The following MXRA7 variants were observed in gnomAD, a reference collection of about 807,000 sequenced individuals.
MXRA7 encodes the protein matrix remodeling associated 7.
MXRA7 carries 18 observed loss-of-function variants against 17.4 expected under a neutral mutation model. The ratio of observed to expected loss-of-function variants is 1.03; its 90% CI spans 0.71 to 1.53. MXRA7 has a LOEUF of 1.53. Ranked by LOEUF, MXRA7 falls within the 40% of genes most tolerant of loss-of-function variation. MXRA7 has a pLI of 0.00. For synonymous variants in MXRA7, 70 were observed against 101.7 expected (o/e 0.69, Z 1.87); for missense variants, 141 against 209.3 (o/e 0.67, Z 2.01).
In MXRA7 at chr17:76,681,134, G is replaced by C. The variant is rs1367580756; in HGVS notation, c.501-255C>G. Among the ~76,000 whole-genome samples the C allele has an allele frequency of 6.6e-6, 1 of 152,180 alleles. No individual in the cohort carries two copies. Among genetic ancestry groups the C allele is most frequent in the Admixed American group, 6.5e-5 (1 of 15,290 alleles). ...CAGAACCTGGCAGCCCACAGACCCT[G>C]TTCAGCCTCTGCAGGGTACTTAAGG... On this transcript the variant is annotated intron_variant, in intron 3 of 3. Coordinates refer to ENST00000449428, the MANE Select transcript of MXRA7 (RefSeq NM_198530.4). The surrounding 1 kb of genome is among the most constrained non-coding windows in gnomAD (Gnocchi z 4.7).
chr17:76,702,890 T>TATATATATACGTATATATATATA (rs1251035840), intron 1 of MXRA7, among the ~76,000 whole-genome samples: 1 of 149,580 alleles, frequency 6.7e-6, no homozygotes, highest in African/African-American at 2.5e-5. Context: ...TATATATATA[T>TATATATATACGTATATATATATA]CTTGAGGAGG....
At chr17:76,697,687 A>C (rs1211375060) in intron 1 of MXRA7, among the ~76,000 whole-genome samples, 1 of 152,172 alleles carries the variant, frequency 6.6e-6, no homozygotes, top group African/African-American at 2.4e-5. Context: ...GGCAAACGGG[A>C]CGTGCCTCCT....
At chr17:76,677,687 C>A (rs2076252143), downstream of MXRA7, 3 of 1,613,762 alleles carry the variant, frequency 1.9e-6, no homozygotes, top group Non-Finnish European at 2.5e-6. Context: ...TGGCAGCCAG[C>A]TGTTCCTTCT....
At chr17:76,677,602 G>A, downstream of MXRA7, 1 of 1,611,170 alleles carries the variant, frequency 6.2e-7, no homozygotes, top group Non-Finnish European at 8.5e-7. Flanking sequence ...ATGTCGTAGA[G>A]CCGGAGCTGC....
chr17:76,702,330 A>C (rs987306864), intron 1 of MXRA7, among the ~76,000 whole-genome samples: 1 of 152,136 alleles, frequency 6.6e-6, no homozygotes, highest in Non-Finnish European at 1.5e-5. Flanking sequence ...CAACATAGCA[A>C]GACACCATCT....
At chr17:76,696,700 G>T (rs1160256339) in intron 1 of MXRA7, among the ~76,000 whole-genome samples, 1 of 152,100 alleles carries the variant, frequency 6.6e-6, no homozygotes, top group African/African-American at 2.4e-5. Context: ...TCAGGGGAGA[G>T]ATGATAAAGG....
downstream of MXRA7, chr17:76,677,797 C>T (rs2076253365): frequency 6.2e-6 from 5 of 810,160 alleles, no homozygotes; most frequent in Non-Finnish European, 1.1e-5. Context: ...GGACTCTCCT[C>T]TCTCTTGTGT....
At chr17:76,683,995 G>T in intron 3 of MXRA7, 2 of 1,215,474 alleles carry the variant, frequency 1.6e-6, no homozygotes, top group South Asian at 1.2e-5. Flanking sequence ...AGGACTCGGG[G>T]CTCCTGCCAG....
downstream of MXRA7, among the ~76,000 whole-genome samples, chr17:76,678,172 A>G (rs1317113217): frequency 6.6e-6 from 1 of 152,226 alleles, no homozygotes; most frequent in Non-Finnish European, 1.5e-5. Flanking sequence ...ATCAGGGAGC[A>G]TACAAGTGTG....
chr17:76,688,178 T>C lies in MXRA7; in HGVS notation c.343-2A>G, dbSNP rs144472981. 168 of 1,614,078 alleles carry C rather than the reference T, an allele frequency of 1.0e-4. No individual in the cohort carries two copies. Among genetic ancestry groups the C allele is most frequent in the Non-Finnish European group, 1.4e-4 (165 of 1,179,994 alleles). ...ACCATCCAAGTCCTGCTCCTCTTCC[T>C]GCAAGACAAGGACAGGGTCAGTGCC... On this transcript the variant is annotated splice_acceptor_variant, in intron 1 of 3. Coordinates refer to ENST00000449428, the MANE Select transcript of MXRA7 (RefSeq NM_198530.4). LOFTEE classifies it high-confidence loss of function.
intron 1 of MXRA7, among the ~76,000 whole-genome samples, chr17:76,698,083 C>A (rs1436367368): frequency 6.6e-6 from 1 of 152,222 alleles, no homozygotes; most frequent in Non-Finnish European, 1.5e-5. Flanking sequence ...AGAGCTGCCG[C>A]ATGCTGTGAC....
chr17:76,691,584 G>A (rs1204847304), intron 1 of MXRA7, among the ~76,000 whole-genome samples: 1 of 152,140 alleles, frequency 6.6e-6, no homozygotes, highest in Non-Finnish European at 1.5e-5. Context: ...GGCAGTTAAT[G>A]TCAGAGTTGA....
At chr17:76,697,326 C>T (rs769041656) in intron 1 of MXRA7, among the ~76,000 whole-genome samples, 42 of 152,278 alleles carry the variant, frequency 2.8e-4, no homozygotes, top group Admixed American at 5.2e-4. Flanking sequence ...CCCGAACCTG[C>T]GGACACCCTG....
intron 1 of MXRA7, among the ~76,000 whole-genome samples, chr17:76,700,714 T>C (rs553351742): frequency 6.6e-6 from 1 of 152,262 alleles, no homozygotes; most frequent in Non-Finnish European, 1.5e-5. Context: ...GGAACAGGCG[T>C]TCCACTGCGG....
chr17:76,707,600 G>A (rs780108511), intron 1 of MXRA7, among the ~76,000 whole-genome samples: 12 of 152,088 alleles, frequency 7.9e-5, no homozygotes, highest in East Asian at 1.9e-4. Flanking sequence ...CATCGCGCCC[G>A]GGCTCTAGTC....
At chr17:76,697,609 C>G (rs912689126) in intron 1 of MXRA7, among the ~76,000 whole-genome samples, 3 of 152,174 alleles carry the variant, frequency 2.0e-5, no homozygotes, top group Non-Finnish European at 2.9e-5. Context: ...ATTTTAATGT[C>G]ATGTTCTGGG....
At chr17:76,688,435 T>C in intron 1 of MXRA7, 1 of 1,361,302 alleles carries the variant, frequency 7.3e-7, no homozygotes, top group Non-Finnish European at 9.4e-7. Flanking sequence ...CCTTGGCCTT[T>C]CCCAGGTGGG....
intron 2 of MXRA7, among the ~76,000 whole-genome samples, chr17:76,686,287 T>C (rs1888131693): frequency 6.6e-6 from 1 of 152,152 alleles, no homozygotes; most frequent in African/African-American, 2.4e-5. Flanking sequence ...GAGACCAACC[T>C]GGCCAATGTG....
intron 2 of MXRA7, 114 bp downstream of exon 2, chr17:76,687,999 T>TACCACC: frequency 1.2e-6 from 1 of 801,728 alleles, no homozygotes; most frequent in East Asian, 2.8e-5. Context: ...CAGGCCACTG[T>TACCACC]CCCACCCCAT....
Sources: gnomAD v4.1 joint callset for allele counts (sites outside exome capture counted in the v4.1 genomes callset) on GRCh38, gnomAD v4.1.1 for gene constraint, Gnocchi (gnomAD v3.1) non-coding constraint, MANE v1.5 for transcripts, NCBI Gene and HGNC (gene_info 2026-07-23, HGNC 2026-07-21) for gene names.